Variants in ZNF804A observed in about 807,000 individuals in gnomAD.
ZNF804A encodes zinc finger protein 804A.
A neutral mutation model predicts 16.5 loss-of-function variants in ZNF804A; 2 were observed. That is an observed-to-expected ratio of 0.12 (90% CI 0.05 to 0.38). The LOEUF (loss-of-function observed/expected upper bound fraction) is 0.38. ZNF804A is among the 10% of genes least tolerant of loss of function. The pLI is 0.99. For synonymous variants in ZNF804A, 534 were observed against 489.6 expected, an observed-to-expected ratio of 1.09 and a Z score of -1.20; for missense variants, 1,473 against 1,390.7, an observed-to-expected ratio of 1.06 and a Z score of -0.94.
chr2:184,643,062 G>A (rs1402956791), intron 1 of ZNF804A, among the ~76,000 whole-genome samples: 1 of 151,948 alleles, frequency 6.6e-6, no homozygotes, highest in African/African-American at 2.4e-5. Flanking sequence ...AAAAATTGTA[G>A]ACACAGAATC....
intron 1 of ZNF804A, among the ~76,000 whole-genome samples, chr2:184,752,052 T>C (rs553018407): frequency 1.3e-5 from 2 of 151,726 alleles, no homozygotes; most frequent in Non-Finnish European, 3.0e-5. Flanking sequence ...TAGTTTAACC[T>C]CTTTGGAAAA....
intron 1 of ZNF804A, among the ~76,000 whole-genome samples, chr2:184,645,354 A>G (rs992133811): frequency 3.3e-5 from 5 of 152,132 alleles, no homozygotes; most frequent in Admixed American, 6.5e-5. Flanking sequence ...GAAAATGTCT[A>G]CAGTACAAAT....
Position 184,663,345 on chromosome 2 carries a change from G to A in ZNF804A, c.111+64275G>A, listed in dbSNP as rs537365936. Among the ~76,000 whole-genome samples the A allele has an allele frequency of 6.3e-4, 96 of 152,242 alleles. 1 individual carries two copies. In the South Asian group the frequency reaches 0.012, roughly 20 times the overall value. On this transcript the variant is annotated intron_variant, in intron 1 of 3. Coordinates refer to ENST00000302277, the MANE Select transcript of ZNF804A (RefSeq NM_194250.2). ...TGTCACTGCTTGGCTGGGTATGCAC[G>A]TGCCGGGTGGTGCTGATATGCCATT...
chr2:184,639,564 A>T (rs1691759154), intron 1 of ZNF804A, among the ~76,000 whole-genome samples: 1 of 152,218 alleles, frequency 6.6e-6, no homozygotes, highest in Non-Finnish European at 1.5e-5. Flanking sequence ...GAAACAAAGA[A>T]TGCCTATTAA....
At chr2:184,645,647 T>C (rs1691858505) in intron 1 of ZNF804A, among the ~76,000 whole-genome samples, 1 of 152,132 alleles carries the variant, frequency 6.6e-6, no homozygotes, top group Non-Finnish European at 1.5e-5. Flanking sequence ...GCAAGATACA[T>C]CATTTAATAA....
intron 1 of ZNF804A, among the ~76,000 whole-genome samples, chr2:184,729,246 C>CAATGCATTTAGCTATATATACAA (rs1693472860): frequency 6.6e-6 from 1 of 151,736 alleles, no homozygotes. Flanking sequence ...AGCTATTCTA[C>CAATGCATTTAGCTATATATACAA]AATGCATATA....
chr2:184,887,396 A>G (rs776714514), intron 2 of ZNF804A, among the ~76,000 whole-genome samples: 4 of 152,164 alleles, frequency 2.6e-5, no homozygotes, highest in Non-Finnish European at 4.4e-5. Flanking sequence ...GAGCACTCCA[A>G]ACTTTTCCAA....
chr2:184,827,995 A>T (rs1695195380), intron 1 of ZNF804A, among the ~76,000 whole-genome samples: 1 of 151,880 alleles, frequency 6.6e-6, no homozygotes, highest in African/African-American at 2.4e-5. Context: ...ATTCTATTTA[A>T]TGGTTTACCA....
At chr2:184,682,979 T>A (rs1248185584) in intron 1 of ZNF804A, among the ~76,000 whole-genome samples, 1 of 152,162 alleles carries the variant, frequency 6.6e-6, no homozygotes. Context: ...CCGCACTCCA[T>A]GCTACAATGA....
At chr2:184,756,055 C>A (rs1304573267) in intron 1 of ZNF804A, among the ~76,000 whole-genome samples, 1 of 151,920 alleles carries the variant, frequency 6.6e-6, no homozygotes, top group Non-Finnish European at 1.5e-5. Flanking sequence ...TAAATATTGG[C>A]TCAGGAAATA....
intron 1 of ZNF804A, among the ~76,000 whole-genome samples, chr2:184,790,690 C>G (rs1694525279): frequency 6.6e-6 from 1 of 151,690 alleles, no homozygotes; most frequent in South Asian, 2.1e-4. Context: ...TGCAAGCTCC[C>G]CCTCCTAGGT....
intron 2 of ZNF804A, among the ~76,000 whole-genome samples, chr2:184,887,258 C>G (rs1684907828): frequency 6.6e-6 from 1 of 152,196 alleles, no homozygotes; most frequent in Non-Finnish European, 1.5e-5. Flanking sequence ...ACAATGGGTT[C>G]CTCGTCTCCA....
chr2:184,739,456 C>T (rs767422324), intron 1 of ZNF804A, among the ~76,000 whole-genome samples: 21 of 152,112 alleles, frequency 1.4e-4, no homozygotes, highest in East Asian at 7.7e-4. Flanking sequence ...TGCAGTGGCA[C>T]GGTCGTGGCT....
chr2:184,665,106 A>G (rs1289675314), intron 1 of ZNF804A, among the ~76,000 whole-genome samples: 1 of 152,224 alleles, frequency 6.6e-6, no homozygotes, highest in African/African-American at 2.4e-5. Context: ...TTACACAAAG[A>G]CAAACACAAA....
intron 2 of ZNF804A, among the ~76,000 whole-genome samples, chr2:184,880,030 C>T (rs1684785168): frequency 6.6e-6 from 1 of 151,904 alleles, no homozygotes; most frequent in Admixed American, 6.6e-5. Flanking sequence ...GAAAATAGTA[C>T]TAGGTTTTAA....
At chr2:184,751,264 A>G (rs992011596) in intron 1 of ZNF804A, among the ~76,000 whole-genome samples, 15 of 151,528 alleles carry the variant, frequency 9.9e-5, no homozygotes, top group South Asian at 8.3e-4. Context: ...TCATGAATGC[A>G]CAATGGGGAA....
At chr2:184,698,817 G>A (rs1222920715) in intron 1 of ZNF804A, among the ~76,000 whole-genome samples, 2 of 152,056 alleles carry the variant, frequency 1.3e-5, no homozygotes, top group Admixed American at 1.3e-4. Flanking sequence ...AATACTGTCC[G>A]TAGGTAGAGA....
chr2:184,937,882 A>G lies in ZNF804A; in HGVS notation c.2486A>G (p.Lys829Arg). 1 of 1,614,178 alleles carries G rather than the reference A, an allele frequency of 6.2e-7. No homozygotes were observed. Among genetic ancestry groups the G allele is most frequent in the Non-Finnish European group, 8.5e-7 (1 of 1,180,020 alleles). The change falls in exon 4 of 4, where the codon AAA becomes AGA. Residue 829 changes from lysine to arginine, a missense_variant. Coordinates refer to ENST00000302277, the MANE Select transcript of ZNF804A (RefSeq NM_194250.2). The stretch of plus-strand genomic sequence containing the variant: ...CCCGGATTTGAAACTTTAGAACTCA[A>G]AGAAAATACAGATTATCCCGTGAAA... ...FHPGFETLEL[K>R]ENTDYPVKDN...
chr2:184,669,246 T>A (rs72899945), intron 1 of ZNF804A, among the ~76,000 whole-genome samples: 7,862 of 152,102 alleles, frequency 0.052, 254 homozygotes, highest in Non-Finnish European at 0.077. Context: ...TTTCTGGAAA[T>A]ACAGCCCATG....
Sources: gnomAD v4.1 joint callset for allele counts (sites outside exome capture counted in the v4.1 genomes callset) on GRCh38, gnomAD v4.1.1 for gene constraint, MANE v1.5 for transcripts, NCBI Gene and HGNC (gene_info 2026-07-23, HGNC 2026-07-21) for gene names.